The following KCNQ1 variants were observed in gnomAD, a reference collection of about 807,000 sequenced individuals.
KCNQ1 encodes potassium voltage-gated channel subfamily KQT member 1.
KCNQ1 carries 49 observed loss-of-function variants against 72.4 expected under a neutral mutation model. The ratio of observed to expected loss-of-function variants is 0.68; its 90% CI spans 0.54 to 0.86. The LOEUF (loss-of-function observed/expected upper bound fraction) is 0.86. KCNQ1 is among the 40% of genes least tolerant of loss of function. KCNQ1 has a pLI of 0.00. For synonymous variants in KCNQ1, 450 were observed against 412.6 expected, an observed-to-expected ratio of 1.09 and a Z score of -1.10; for missense variants, 790 against 945.1, an observed-to-expected ratio of 0.84 and a Z score of 2.15.
chr11:2,447,648 G>A lies in KCNQ1; in HGVS notation c.386+2164G>A, dbSNP rs1846060573. On this transcript the variant is annotated intron_variant, in intron 1 of 15. Coordinates refer to ENST00000155840, the MANE Select transcript of KCNQ1 (RefSeq NM_000218.3). The surrounding 1 kb of genome is among the most constrained non-coding windows in gnomAD (Gnocchi z 7.6). ...GCCTCACGAAATCAGGTCCAGCCTT[G>A]CGCCAGTCCAGCCTTGTGTTGCTGT... 6.6e-6 allele frequency among the ~76,000 whole-genome samples: 1 copy of A among 152,190 alleles called. No homozygotes were observed. The highest frequency in any genetic ancestry group is 1.5e-5 in the Non-Finnish European group (1 of 68,026).
chr11:2,686,162 C>G, intron 11 of KCNQ1: 1 of 398,888 alleles, frequency 2.5e-6, no homozygotes. Context: ...CTTCGCCTTT[C>G]TGAGAGCACA....
intron 12 of KCNQ1, among the ~76,000 whole-genome samples, chr11:2,771,912 C>G (rs547210217): frequency 4.6e-5 from 7 of 152,306 alleles, no homozygotes; most frequent in African/African-American, 1.7e-4. Flanking sequence ...GAGAATGGCC[C>G]AGGAGGCTTC....
intron 1 of KCNQ1, among the ~76,000 whole-genome samples, chr11:2,456,625 A>G (rs907805256): frequency 2.6e-5 from 4 of 152,070 alleles, no homozygotes; most frequent in Non-Finnish European, 2.9e-5. Flanking sequence ...AACCCCATTA[A>G]AAAGTGGGCA....
intron 11 of KCNQ1, chr11:2,688,099 C>T: frequency 2.5e-6 from 1 of 398,916 alleles, no homozygotes; most frequent in Non-Finnish European, 4.4e-6. Flanking sequence ...TGGAGTCAGG[C>T]AGGGGACCTG....
At chr11:2,800,259 G>A (rs2134023921) in intron 15 of KCNQ1, among the ~76,000 whole-genome samples, 2 of 152,364 alleles carry the variant, frequency 1.3e-5, no homozygotes, top group South Asian at 4.1e-4. Flanking sequence ...GAGGGTGTGG[G>A]AGGGACAGAG....
intron 1 of KCNQ1, among the ~76,000 whole-genome samples, chr11:2,513,056 C>T (rs940480953): frequency 1.3e-5 from 2 of 152,148 alleles, no homozygotes; most frequent in African/African-American, 2.4e-5. Flanking sequence ...CTGGGAAGAG[C>T]GGTCCTTGGA....
chr11:2,502,800 G>C (rs1326017378), intron 1 of KCNQ1, among the ~76,000 whole-genome samples: 1 of 152,174 alleles, frequency 6.6e-6, no homozygotes, highest in Non-Finnish European at 1.5e-5. Context: ...CAGAGTCATA[G>C]TAACCAAAAC....
In KCNQ1 at chr11:2,479,643, C is replaced by T. The variant is rs1294737822; in HGVS notation, c.386+34159C>T. 6.6e-6 allele frequency among the ~76,000 whole-genome samples: 1 copy of T among 152,218 alleles called. No homozygotes were observed. Among genetic ancestry groups the T allele is most frequent in the Non-Finnish European group, 1.5e-5 (1 of 68,044 alleles). The stretch of plus-strand genomic sequence containing the variant: ...ATTTTTGCCTCCTAGGCCTCTGGGC[C>T]TGGGATGGGAGGGGCTGCTCCTAAG... On this transcript the variant is annotated intron_variant, in intron 1 of 15. Transcript: ENST00000155840. This position sits in a 1 kb window ranked among gnomAD's most constrained non-coding sequence, Gnocchi z 4.6.
chr11:2,478,788 A>G lies in KCNQ1; in HGVS notation c.386+33304A>G, dbSNP rs1010923808. Reference sequence around the variant, plus strand: ...GTGCCCCAAAGTCTTAACTCATTTCAGCATTAACTCAAAAATCTGCAGTCC... The same window carrying G: ...GTGCCCCAAAGTCTTAACTCATTTCGGCATTAACTCAAAAATCTGCAGTCC... On this transcript the variant is annotated intron_variant, in intron 1 of 15. Coordinates refer to ENST00000155840, the MANE Select transcript of KCNQ1 (RefSeq NM_000218.3). The surrounding 1 kb of genome is among the most constrained non-coding windows in gnomAD (Gnocchi z 4.0). 1.3e-5 allele frequency among the ~76,000 whole-genome samples: 2 copies of G among 152,222 alleles called. No homozygotes were observed. The highest frequency in any genetic ancestry group is 2.9e-5 in the Non-Finnish European group (2 of 68,042).
rs901535082 is a variant in KCNQ1, at chr11:2,538,510, C to T, written c.477+10492C>T. On this transcript the variant is annotated intron_variant, in intron 2 of 15. Coordinates refer to ENST00000155840, the MANE Select transcript of KCNQ1 (RefSeq NM_000218.3). The surrounding 1 kb of genome is among the most constrained non-coding windows in gnomAD (Gnocchi z 6.7). The stretch of plus-strand genomic sequence containing the variant: ...TGACAGGGTTTGGATTGGCTGCGTT[C>T]CTGTCTGAAGGCAGCTGCTTGGGAG... Among the ~76,000 whole-genome samples the T allele has an allele frequency of 2.0e-5, 3 of 152,190 alleles. No homozygotes were observed. Among genetic ancestry groups the T allele is most frequent in the Non-Finnish European group, 4.4e-5 (3 of 68,042 alleles).
Position 2,687,164 on chromosome 11 carries a change from A to G in KCNQ1, c.1514+25083A>G, listed in dbSNP as rs1850504294. ...TCTGAGCCAGCTTCCTCCACAAAGC[A>G]CAGAAGTCTGCCAAAAGCCCAGGCT... On this transcript the variant is annotated intron_variant, in intron 11 of 15. Transcript: ENST00000155840. The surrounding 1 kb of genome is among the most constrained non-coding windows in gnomAD (Gnocchi z 5.0). The G allele has an allele frequency of 2.5e-6, 1 of 398,634 alleles. No homozygotes were observed. 24.7% of individuals were successfully genotyped at this position (398,634 alleles called of 1,614,324 possible). A position where few individuals can be genotyped will look rare whatever the true frequency, so the allele number is the denominator to read the frequency against.
intron 15 of KCNQ1, among the ~76,000 whole-genome samples, chr11:2,839,378 G>A (rs932637881): frequency 1.3e-4 from 20 of 152,374 alleles, no homozygotes; most frequent in African/African-American, 3.1e-4. Context: ...ATGTCCGCAC[G>A]GAGCAGCCTC....
Position 2,613,119 on chromosome 11 carries a change from T to C in KCNQ1, c.1393+24265T>C. 2.5e-6 allele frequency: 1 copy of C among 398,660 alleles called. No individual in the cohort carries two copies. 24.7% of individuals were successfully genotyped at this position (398,660 alleles called of 1,614,324 possible). ...CATTTGTTTAAACATCTTGAGCCAG[T>C]GAATCTTCCACCCTCTGCTGAGGGG... On this transcript the variant is annotated intron_variant, in intron 10 of 15. Transcript: ENST00000155840. The surrounding 1 kb of genome is among the most constrained non-coding windows in gnomAD (Gnocchi z 4.8).
chr11:2,720,446 C>T lies in KCNQ1; in HGVS notation c.1515-48398C>T, dbSNP rs1200011957. Among the ~76,000 whole-genome samples, 1 of 152,178 alleles carries T rather than the reference C, an allele frequency of 6.6e-6. No homozygotes were observed. The highest frequency in any genetic ancestry group is 6.5e-5 in the Admixed American group (1 of 15,284). On this transcript the variant is annotated intron_variant, in intron 11 of 15. Coordinates refer to ENST00000155840, the MANE Select transcript of KCNQ1 (RefSeq NM_000218.3). The surrounding 1 kb of genome is among the most constrained non-coding windows in gnomAD (Gnocchi z 5.1). ...AAGGCCAGGAGGAAGCTGCTGGCCT[C>T]AAGAAGGCCTCTCGAAGCAGAGGCA... is the stretch of plus-strand genomic sequence containing the variant.
In KCNQ1 at chr11:2,601,340, T is replaced by C. The variant is rs1306650804; in HGVS notation, c.1393+12486T>C. ...TTTAGTGAAATATTTATTCAGATCT[T>C]TTGCCCGTTTAAAAAAATGAGACTT... On this transcript the variant is annotated intron_variant, in intron 10 of 15. Coordinates refer to ENST00000155840, the MANE Select transcript of KCNQ1 (RefSeq NM_000218.3). The surrounding 1 kb of genome is among the most constrained non-coding windows in gnomAD (Gnocchi z 5.2). Among the ~76,000 whole-genome samples the C allele has an allele frequency of 2.0e-5, 3 of 152,206 alleles. No individual in the cohort carries two copies. Among genetic ancestry groups the C allele is most frequent in the Non-Finnish European group, 4.4e-5 (3 of 68,036 alleles).
intron 11 of KCNQ1, among the ~76,000 whole-genome samples, chr11:2,721,980 C>T (rs960412615): frequency 1.3e-5 from 2 of 152,232 alleles, no homozygotes; most frequent in African/African-American, 4.8e-5. Context: ...AGGAGCCTGT[C>T]CCTACGCACA....
Position 2,679,649 on chromosome 11 carries a change from C to T in KCNQ1, c.1514+17568C>T, listed in dbSNP as rs1177568000. On this transcript the variant is annotated intron_variant, in intron 11 of 15. Coordinates refer to ENST00000155840, the MANE Select transcript of KCNQ1 (RefSeq NM_000218.3). The surrounding 1 kb of genome is among the most constrained non-coding windows in gnomAD (Gnocchi z 4.8). The stretch of plus-strand genomic sequence containing the variant: ...GCATCAGAAAAAATACAAGTGCATC[C>T]TCATAAGATTATTTAGGATGCATAG... The T allele has an allele frequency of 2.5e-6, 1 of 398,430 alleles. No homozygotes were observed. The highest frequency in any genetic ancestry group is 4.4e-5 in the Admixed American group (1 of 22,708). The allele number at this position is 398,430 out of a possible 1,614,324, so 24.7% of individuals were successfully genotyped here.
intron 10 of KCNQ1, chr11:2,616,871 A>C (rs1849073923): frequency 2.5e-6 from 1 of 398,142 alleles, no homozygotes; most frequent in Non-Finnish European, 4.4e-6. Flanking sequence ...TGGAGTGTCC[A>C]TATATGTTTG....
At chr11:2,660,571 T>C in intron 10 of KCNQ1, 1 of 398,600 alleles carries the variant, frequency 2.5e-6, no homozygotes, top group Non-Finnish European at 4.4e-6. Context: ...GCAAAGGACA[T>C]GAACAGGCAA....
Sources: gnomAD v4.1 joint callset for allele counts (sites outside exome capture counted in the v4.1 genomes callset) on GRCh38, gnomAD v4.1.1 for gene constraint, Gnocchi (gnomAD v3.1) non-coding constraint, MANE v1.5 for transcripts, NCBI Gene and HGNC (gene_info 2026-07-23, HGNC 2026-07-21) for gene names.